The following NELL2 variants were observed in gnomAD, a reference collection of about 807,000 sequenced individuals.
NELL2 encodes neural EGFL like 2.
Under a neutral mutation model 109.6 loss-of-function variants are expected in NELL2, and 41 were observed. The observed-to-expected ratio is 0.37, with a 90% confidence interval of 0.29 to 0.49. The LOEUF (loss-of-function observed/expected upper bound fraction) is 0.49, where lower values mean the gene tolerates loss of function less well. NELL2 is among the 20% of genes least tolerant of loss of function. NELL2 has a pLI of 0.98. For synonymous variants in NELL2, 355 were observed against 344.7 expected, an observed-to-expected ratio of 1.03 and a Z score of -0.33; for missense variants, 900 against 1,008.3, an observed-to-expected ratio of 0.89 and a Z score of 1.45.
intron 1 of NELL2, among the ~76,000 whole-genome samples, chr12:44,904,559 C>T (rs997668982): frequency 6.6e-6 from 1 of 151,954 alleles, no homozygotes; most frequent in Non-Finnish European, 1.5e-5. Context: ...GATTAGAGTC[C>T]CTGAATGACG....
chr12:44,751,162 T>A (rs900703961), intron 9 of NELL2, among the ~76,000 whole-genome samples: 2 of 151,886 alleles, frequency 1.3e-5, no homozygotes, highest in African/African-American at 2.4e-5. Flanking sequence ...AGAGACAGGG[T>A]AATAGGAGCT....
intron 12 of NELL2, among the ~76,000 whole-genome samples, chr12:44,695,848 G>C (rs1366881544): frequency 6.6e-6 from 1 of 152,098 alleles, no homozygotes; most frequent in Non-Finnish European, 1.5e-5. Flanking sequence ...GCCAGGCATG[G>C]TGGTGCATGC....
intron 13 of NELL2, among the ~76,000 whole-genome samples, chr12:44,653,147 C>T (rs1465496517): frequency 6.6e-6 from 1 of 152,140 alleles, no homozygotes; most frequent in Non-Finnish European, 1.5e-5. Context: ...ATTCTACCTA[C>T]CACAAATACC....
intron 10 of NELL2, among the ~76,000 whole-genome samples, chr12:44,712,280 G>A (rs1938244987): frequency 2.0e-5 from 3 of 151,998 alleles, no homozygotes; most frequent in South Asian, 4.1e-4. Flanking sequence ...TAGAAGAAGT[G>A]CACATTTCAA....
At chr12:44,745,335 G>A (rs997100336) in intron 9 of NELL2, among the ~76,000 whole-genome samples, 2 of 152,096 alleles carry the variant, frequency 1.3e-5, no homozygotes, top group Non-Finnish European at 2.9e-5. Context: ...CAAACCCACA[G>A]CCAATATCAT....
intron 15 of NELL2, among the ~76,000 whole-genome samples, chr12:44,605,928 G>C (rs1945384698): frequency 6.6e-6 from 1 of 152,074 alleles, no homozygotes; most frequent in Non-Finnish European, 1.5e-5. Context: ...ATTTGATTTA[G>C]TATATCATAT....
rs192573708 is a variant in NELL2 at position 44,875,059 on chromosome 12, C to T, written c.184+166G>A. Reference sequence around the variant, plus strand: ...GAAGGGTGAGGCAGGGGAGAAAAAACCACTTAAAAGAGATAGGGATATGTG... The same window carrying T: ...GAAGGGTGAGGCAGGGGAGAAAAAATCACTTAAAAGAGATAGGGATATGTG... On this transcript the variant is annotated intron_variant, in intron 2 of 19. Transcript: ENST00000429094. 1.2e-4 allele frequency: 108 copies of T among 910,978 alleles called. No individual in the cohort carries two copies. In the African/African-American group the frequency reaches 1.7e-3, roughly 14 times the overall value. 56.4% of individuals were successfully genotyped at this position (910,978 alleles called of 1,614,324 possible).
At chr12:44,794,640 T>C (rs1225377757) in intron 3 of NELL2, among the ~76,000 whole-genome samples, 1 of 152,174 alleles carries the variant, frequency 6.6e-6, no homozygotes, top group Non-Finnish European at 1.5e-5. Context: ...CCCTCCCATC[T>C]GCAACCTCCC....
intron 13 of NELL2, among the ~76,000 whole-genome samples, chr12:44,648,570 G>C (rs1947177612): frequency 6.6e-6 from 1 of 151,794 alleles, no homozygotes; most frequent in African/African-American, 2.4e-5. Context: ...TGCATGTGAA[G>C]ACAAAGCTGG....
chr12:44,887,131 G>C (rs1010086003), intron 1 of NELL2, among the ~76,000 whole-genome samples: 1 of 151,992 alleles, frequency 6.6e-6, no homozygotes, highest in Non-Finnish European at 1.5e-5. Flanking sequence ...TGGATAAATA[G>C]CCAGTAGTGG....
chr12:44,851,573 T>C (rs2136780007), intron 2 of NELL2: 1 of 152,316 alleles, frequency 6.6e-6, no homozygotes, highest in South Asian at 2.1e-4. Flanking sequence ...TTACTACCAG[T>C]AATTTTTTTA....
chr12:44,835,065 C>T (rs1944010599), intron 2 of NELL2, among the ~76,000 whole-genome samples: 1 of 152,078 alleles, frequency 6.6e-6, no homozygotes. Context: ...GGGACACACT[C>T]TAGCTCAGAC....
chr12:44,878,558 AG>A (rs1945375518), upstream of NELL2, among the ~76,000 whole-genome samples: 1 of 152,154 alleles, frequency 6.6e-6, no homozygotes, highest in Non-Finnish European at 1.5e-5. Flanking sequence ...ACTGAATGCC[AG>A]TATTTTCAGT....
At chr12:44,533,185 G>A (rs1200963090) in intron 15 of NELL2, among the ~76,000 whole-genome samples, 1 of 152,124 alleles carries the variant, frequency 6.6e-6, no homozygotes, top group African/African-American at 2.4e-5. Flanking sequence ...ACAATGACTA[G>A]CCATTTCCAG....
At chr12:44,717,970 G>A (rs1938577099) in intron 9 of NELL2, among the ~76,000 whole-genome samples, 1 of 152,136 alleles carries the variant, frequency 6.6e-6, no homozygotes, top group Admixed American at 6.5e-5. Context: ...AAGAACAAAT[G>A]TCTATTACGT....
At position 44,520,260 on chromosome 12, in the gene NELL2, G is replaced by A. The variant is rs1941470320; in HGVS notation, c.2176-31C>T. On this transcript the variant is annotated intron_variant, in intron 18 of 19. Coordinates refer to ENST00000429094, the MANE Select transcript of NELL2 (RefSeq NM_001145108.2). ...AGGAAAGCAGATGTGCAAGGGCAGA[G>A]GGAGAGGGAGGAGGAAATGGAGGGA... The A allele has an allele frequency of 2.6e-6, 4 of 1,559,696 alleles. No individual in the cohort carries two copies. In the Admixed American group the frequency reaches 5.6e-5, roughly 22 times the overall value.
At chr12:44,918,936 T>C, upstream of NELL2, among the ~76,000 whole-genome samples, 1 of 152,168 alleles carries the variant, frequency 6.6e-6, no homozygotes, top group Non-Finnish European at 1.5e-5. Context: ...ATTGAGGATA[T>C]GATCACATGA....
chr12:44,641,505 C>T (rs1445003363), intron 13 of NELL2, among the ~76,000 whole-genome samples: 12 of 151,750 alleles, frequency 7.9e-5, no homozygotes, highest in Non-Finnish European at 1.6e-4. Flanking sequence ...TCTGCTAGTG[C>T]TGACATGTTG....
At chr12:44,840,778 T>C (rs759736218) in intron 2 of NELL2, among the ~76,000 whole-genome samples, 1 of 152,256 alleles carries the variant, frequency 6.6e-6, no homozygotes, top group Admixed American at 6.5e-5. Context: ...CAAATTGTAT[T>C]ATGAGTAAAT....
Sources: allele counts gnomAD v4.1 joint callset (sites outside exome capture counted in the v4.1 genomes callset), GRCh38; gene constraint gnomAD v4.1.1; transcripts MANE v1.5; gene names NCBI Gene and HGNC (gene_info 2026-07-23, HGNC 2026-07-21).